Variants in INPP5A observed in about 807,000 individuals in gnomAD.
INPP5A encodes the protein inositol polyphosphate-5-phosphatase A, also known as 43 kDa inositol polyphosphate 5-phophatase.
A neutral mutation model predicts 65.2 loss-of-function variants in INPP5A; 14 were observed. The observed-to-expected ratio is 0.21, with a 90% confidence interval of 0.14 to 0.34. The LOEUF is 0.34. Among genes scored for constraint, INPP5A ranks in the 10% least tolerant of loss-of-function variants. The probability of loss-of-function intolerance (pLI) is 1.00; values close to 1 mark genes in which losing one functional copy is unlikely to be tolerated. For missense variants in INPP5A, 431 were observed against 545.6 expected, an observed-to-expected ratio of 0.79 and a Z score of 2.09; for synonymous variants, 207 against 208.3, an observed-to-expected ratio of 0.99 and a Z score of 0.05.
At chr10:132,554,069 C>T (rs974317695) in intron 1 of INPP5A, among the ~76,000 whole-genome samples, 21 of 118,518 alleles carry the variant, frequency 1.8e-4, no homozygotes, top group African/African-American at 4.2e-4. Flanking sequence ...GGAGGGAGGA[C>T]TGGTGAACAC....
chr10:132,681,673 C>CT (rs1170291907), intron 4 of INPP5A, among the ~76,000 whole-genome samples: 1 of 152,192 alleles, frequency 6.6e-6, no homozygotes, highest in Non-Finnish European at 1.5e-5. Flanking sequence ...CCACTGTGAA[C>CT]ATTGAGGTGA....
At chr10:132,605,400 G>C (rs1421783392) in intron 1 of INPP5A, among the ~76,000 whole-genome samples, 1 of 139,124 alleles carries the variant, frequency 7.2e-6, no homozygotes, top group African/African-American at 2.7e-5. Context: ...GGACAGGGAG[G>C]GAGTGGATCC....
chr10:132,654,165 G>A (rs1056755883), intron 4 of INPP5A, among the ~76,000 whole-genome samples: 10 of 152,344 alleles, frequency 6.6e-5, no homozygotes, highest in South Asian at 2.1e-4. Flanking sequence ...TGGGTCTCAG[G>A]CCTGCTCTCG....
intron 12 of INPP5A, among the ~76,000 whole-genome samples, chr10:132,776,288 CTG>C (rs1847061696): frequency 6.6e-6 from 1 of 152,210 alleles, no homozygotes; most frequent in Non-Finnish European, 1.5e-5. Context: ...GCCGTGGCTC[CTG>C]TGAGTGTGGC....
At chr10:132,668,418 C>T (rs1014791460) in intron 4 of INPP5A, among the ~76,000 whole-genome samples, 1 of 152,190 alleles carries the variant, frequency 6.6e-6, no homozygotes, top group Non-Finnish European at 1.5e-5. Flanking sequence ...CTCAGAAGCA[C>T]ATTTGACGGA....
chr10:132,758,142 G>T (rs1445670442), intron 11 of INPP5A, among the ~76,000 whole-genome samples: 1 of 112,490 alleles, frequency 8.9e-6, no homozygotes, highest in Non-Finnish European at 1.9e-5. Context: ...CCAGTGCGAT[G>T]TTGTGGGTCC....
At chr10:132,579,823 G>C (rs901883375) in intron 1 of INPP5A, among the ~76,000 whole-genome samples, 1 of 152,010 alleles carries the variant, frequency 6.6e-6, no homozygotes, top group Non-Finnish European at 1.5e-5. Context: ...TCTGACCCCT[G>C]CTTCGTCATC....
intron 1 of INPP5A, among the ~76,000 whole-genome samples, chr10:132,580,675 A>T (rs1440920481): frequency 6.6e-6 from 1 of 152,214 alleles, no homozygotes; most frequent in Admixed American, 6.5e-5. Context: ...AAAAATTTTG[A>T]CTTACAAGGC....
At position 132,723,557 on chromosome 10, in the gene INPP5A, G is replaced by A. The variant is rs868009135; in HGVS notation, c.648-3264G>A. The stretch of plus-strand genomic sequence containing the variant: ...GGGATTGGCCGTGTGGGGATTGGCC[G>A]TGTGGGGATTGGCCATGTGGGGATT... On this transcript the variant is annotated intron_variant, in intron 8 of 15. Coordinates refer to ENST00000368594, the MANE Select transcript of INPP5A (RefSeq NM_005539.5). Among the ~76,000 whole-genome samples, 1,177 of 127,130 alleles carry A rather than the reference G, an allele frequency of 9.3e-3. 10 individuals carry two copies. The highest frequency in any genetic ancestry group is 0.036 in the African/African-American group (1,062 of 29,654). 83.4% of individuals were successfully genotyped at this position (127,130 alleles called of 152,430 possible). A position where few individuals can be genotyped will look rare whatever the true frequency, so the allele number is the denominator to read the frequency against.
intron 3 of INPP5A, among the ~76,000 whole-genome samples, chr10:132,646,739 A>G (rs550038887): frequency 6.6e-6 from 1 of 152,246 alleles, no homozygotes; most frequent in Non-Finnish European, 1.5e-5. Context: ...CCAACATCGC[A>G]GAGCTTCACA....
chr10:132,595,760 A>G (rs1039017931), intron 1 of INPP5A, among the ~76,000 whole-genome samples: 3 of 152,178 alleles, frequency 2.0e-5, no homozygotes, highest in African/African-American at 7.2e-5. Context: ...ATTTTTCTGC[A>G]GTATTCTAAT....
chr10:132,665,076 C>T (rs1000649247), intron 4 of INPP5A, among the ~76,000 whole-genome samples: 3 of 152,212 alleles, frequency 2.0e-5, no homozygotes, highest in Non-Finnish European at 4.4e-5. Flanking sequence ...AAGGCCAAGC[C>T]CTGTTGTGCA....
At chr10:132,685,794 A>C (rs1178720707) in intron 4 of INPP5A, among the ~76,000 whole-genome samples, 1 of 152,180 alleles carries the variant, frequency 6.6e-6, no homozygotes, top group Non-Finnish European at 1.5e-5. Flanking sequence ...ATGTGTGAGA[A>C]GTGGTCTGCT....
chr10:132,758,856 A>T (rs531957798), intron 11 of INPP5A, among the ~76,000 whole-genome samples: 15 of 152,284 alleles, frequency 9.9e-5, no homozygotes, highest in African/African-American at 3.4e-4. Context: ...GGACTCTCCC[A>T]CGGTGTCCGG....
rs2071019211 is a variant in INPP5A, at chr10:132,549,155, G to A, written c.75+10984G>A. ...AGTGGAGGCATACCTCGTTTCTCCA[G>A]TCGCCCACAGATGGACGTCGGGGCT... On this transcript the variant is annotated intron_variant, in intron 1 of 15. Transcript: ENST00000368594. This position sits in a 1 kb window ranked among gnomAD's most constrained non-coding sequence, Gnocchi z 4.9. Among the ~76,000 whole-genome samples, 1 of 152,146 alleles carries A rather than the reference G, an allele frequency of 6.6e-6. No individual in the cohort carries two copies. Among genetic ancestry groups the A allele is most frequent in the Admixed American group, 6.6e-5 (1 of 15,266 alleles).
intron 1 of INPP5A, among the ~76,000 whole-genome samples, chr10:132,585,942 G>T (rs930681523): frequency 6.6e-6 from 1 of 152,252 alleles, no homozygotes; most frequent in African/African-American, 2.4e-5. Context: ...TGCTGTGTGT[G>T]TCTGGGCTTC....
rs144202464 is a variant in INPP5A at position 132,657,409 on chromosome 10, C to T, written c.306+6904C>T. ...CCTGCAGAGCAGGGTCTGCCTCCCC[C>T]GCGGCTGGGTCTGTGGAGAGTGAAG... On this transcript the variant is annotated intron_variant, in intron 4 of 15. Transcript: ENST00000368594. 3.5e-3 allele frequency among the ~76,000 whole-genome samples: 540 copies of T among 152,330 alleles called. 1 individual carries two copies. The highest frequency in any genetic ancestry group is 5.6e-3 in the Non-Finnish European group (378 of 68,024).
chr10:132,630,853 G>C (rs746835846), intron 2 of INPP5A, among the ~76,000 whole-genome samples: 1 of 152,284 alleles, frequency 6.6e-6, no homozygotes, highest in African/African-American at 2.4e-5. Flanking sequence ...TGGGAGCTTC[G>C]ATGGCCCAAG....
intron 1 of INPP5A, among the ~76,000 whole-genome samples, chr10:132,605,427 A>G (rs1247272109): frequency 1.9e-5 from 1 of 52,362 alleles, no homozygotes; most frequent in African/African-American, 7.6e-5. Context: ...GGGATGGGAA[A>G]GGGGCTGGGG....
Sources: gnomAD v4.1 joint callset for allele counts (sites outside exome capture counted in the v4.1 genomes callset) on GRCh38, gnomAD v4.1.1 for gene constraint, Gnocchi (gnomAD v3.1) non-coding constraint, MANE v1.5 for transcripts, NCBI Gene and HGNC (gene_info 2026-07-23, HGNC 2026-07-21) for gene names.